The following GLB1L2 variants were observed in gnomAD, a reference collection of about 807,000 sequenced individuals.
GLB1L2 encodes the protein galactosidase beta 1 like 2.
A neutral mutation model predicts 84.1 loss-of-function variants in GLB1L2; 68 were observed. The observed-to-expected ratio is 0.81, with a 90% CI of 0.67 to 0.99. GLB1L2 has a LOEUF of 0.99. Ranked by LOEUF, GLB1L2 falls within the 50% of genes least tolerant of loss-of-function variation. The probability of loss-of-function intolerance (pLI) is 0.00; values close to 1 mark genes in which losing one functional copy is unlikely to be tolerated. For missense variants in GLB1L2, 762 were observed against 805.6 expected (o/e 0.95, Z 0.66); for synonymous variants, 290 against 318.0 (o/e 0.91, Z 0.94).
chr11:134,353,475 G>A (rs73604969), intron 5 of GLB1L2, among the ~76,000 whole-genome samples: 3,645 of 152,198 alleles, frequency 0.024, 148 homozygotes, highest in African/African-American at 0.082. Flanking sequence ...ATCCTGGAGA[G>A]TGTTTTATGT....
chr11:134,361,849 C>T (rs1943795133), intron 7 of GLB1L2, among the ~76,000 whole-genome samples: 1 of 152,164 alleles, frequency 6.6e-6, no homozygotes, highest in Admixed American at 6.5e-5. Flanking sequence ...CTTCCCGGCA[C>T]CTGCTGTTGC....
chr11:134,361,730 T>C (rs1038517319), intron 7 of GLB1L2, among the ~76,000 whole-genome samples: 1 of 152,028 alleles, frequency 6.6e-6, no homozygotes, highest in African/African-American at 2.4e-5. Context: ...GAGGCCTCGC[T>C]CTCATTGTTC....
intron 18 of GLB1L2, 32 bp downstream of exon 18, chr11:134,374,750 T>G: frequency 1.3e-6 from 2 of 1,548,028 alleles, no homozygotes; most frequent in South Asian, 2.2e-5. Flanking sequence ...CTGTTCCCCA[T>G]GACGCCCTGC....
rs1022075712 is a variant in GLB1L2 at position 134,338,456 on chromosome 11, G to T, written c.87-4298G>T. On this transcript the variant is annotated intron_variant, in intron 1 of 18. Transcript: ENST00000535456. This position sits in a 1 kb window ranked among gnomAD's most constrained non-coding sequence, Gnocchi z 6.2. ...GCCAGTCCCATTCCCAGAAAGAGGT[G>T]GTGACCTTGCCACCTGCTCATCTGC... 6.6e-6 allele frequency among the ~76,000 whole-genome samples: 1 copy of T among 152,138 alleles called. No homozygotes were observed. Among genetic ancestry groups the T allele is most frequent in the African/African-American group, 2.4e-5 (1 of 41,418 alleles).
In GLB1L2 at chr11:134,338,963, G is replaced by A. The variant is rs1225399140; in HGVS notation, c.87-3791G>A. Among the ~76,000 whole-genome samples the A allele has an allele frequency of 3.9e-5, 6 of 152,120 alleles. No individual in the cohort carries two copies. The highest frequency in any genetic ancestry group is 9.7e-5 in the African/African-American group (4 of 41,396). On this transcript the variant is annotated intron_variant, in intron 1 of 18. Transcript: ENST00000535456. This position sits in a 1 kb window ranked among gnomAD's most constrained non-coding sequence, Gnocchi z 6.2. ...GCACTGAGTTCAGGGTTTGCTGTCC[G>A]GACTCTTCTAAGGTGGAAAAATCGC... is the stretch of plus-strand genomic sequence containing the variant.
intron 7 of GLB1L2, among the ~76,000 whole-genome samples, chr11:134,362,936 G>A (rs1223123795): frequency 6.6e-6 from 1 of 152,230 alleles, no homozygotes; most frequent in East Asian, 1.9e-4. Flanking sequence ...GTCCTTCTCA[G>A]TGTTCCAGGA....
At chr11:134,332,174 G>C in intron 1 of GLB1L2, 27 bp downstream of exon 1, 2 of 1,467,342 alleles carry the variant, frequency 1.4e-6, no homozygotes, top group Non-Finnish European at 1.8e-6. Flanking sequence ...CGCAGCACCT[G>C]CCGGACCCCA....
chr11:134,363,846 A>T (rs560964613), intron 7 of GLB1L2, among the ~76,000 whole-genome samples: 17 of 152,200 alleles, frequency 1.1e-4, no homozygotes, highest in Admixed American at 2.6e-4. Flanking sequence ...CAAGACAACA[A>T]GATAAGTCTC....
At chr11:134,343,496 A>C (rs545105866) in intron 2 of GLB1L2, among the ~76,000 whole-genome samples, 18 of 152,332 alleles carry the variant, frequency 1.2e-4, no homozygotes, top group African/African-American at 4.1e-4. Context: ...TTTTCCCCCC[A>C]AATTGCCAAC....
rs1180467057 is a variant in GLB1L2, at chr11:134,344,466, T to C, written c.353+11T>C. On this transcript the variant is annotated intron_variant, in intron 3 of 18. Transcript: ENST00000535456. ...GAACCTGGACCTGGAGTATGTGGTG[T>C]TGCTGCTTCTGTGAACTGGCCAGGG... 1 of 1,612,202 alleles carries C rather than the reference T, an allele frequency of 6.2e-7. No homozygotes were observed.
rs146411690 is a variant in GLB1L2, at chr11:134,344,396, G to C, written c.294G>C (p.Pro98=). 2 of 1,613,736 alleles carry C rather than the reference G, an allele frequency of 1.2e-6. No individual in the cohort carries two copies. ...CGLNTLTTYV[P]WNLHEPERGK... is the part of the protein sequence containing the mutation. ...ATCATTTCTGTTGCAGCTATGTTCC[G>C]TGGAACCTGCATGAGCCAGAAAGAG... The change falls in exon 3 of 19, where the codon CCG becomes CCC. Residue 98 remains proline, a synonymous_variant. Coordinates refer to ENST00000535456, the MANE Select transcript of GLB1L2 (RefSeq NM_001370461.1).
intron 2 of GLB1L2, 43 bp downstream of exon 2, chr11:134,342,994 G>A (rs748566201): frequency 6.4e-7 from 1 of 1,570,038 alleles, no homozygotes; most frequent in South Asian, 1.2e-5. Context: ...TTCCTAAGCA[G>A]GGCGCCTGGT....
intron 1 of GLB1L2, among the ~76,000 whole-genome samples, chr11:134,335,419 T>C (rs1217898730): frequency 6.6e-6 from 1 of 152,168 alleles, no homozygotes; most frequent in African/African-American, 2.4e-5. Flanking sequence ...GTTCCTTTCA[T>C]CTTGTAGTAG....
At chr11:134,366,996 T>G in intron 8 of GLB1L2, 1 of 513,746 alleles carries the variant, frequency 1.9e-6, no homozygotes, top group Non-Finnish European at 3.5e-6. Flanking sequence ...TATGCAACAT[T>G]AAAACCATCA....
At chr11:134,356,932 T>A (rs1342358011) in intron 6 of GLB1L2, among the ~76,000 whole-genome samples, 1 of 152,218 alleles carries the variant, frequency 6.6e-6, no homozygotes, top group Non-Finnish European at 1.5e-5. Context: ...TGTCCCTTAG[T>A]AGCTGAGACC....
Position 134,334,679 on chromosome 11 carries a change from A to G in GLB1L2, c.86+2532A>G, listed in dbSNP as rs939861920. ...TACTCCTCCCTGCTCCCCAGCCCCA[A>G]GCAACCACTGATCTGTTGCTTTCCG... On this transcript the variant is annotated intron_variant, in intron 1 of 18. Transcript: ENST00000535456. The surrounding 1 kb of genome is among the most constrained non-coding windows in gnomAD (Gnocchi z 4.1). 6.6e-6 allele frequency among the ~76,000 whole-genome samples: 1 copy of G among 152,008 alleles called. No homozygotes were observed. Among genetic ancestry groups the G allele is most frequent in the Non-Finnish European group, 1.5e-5 (1 of 67,982 alleles).
intron 15 of GLB1L2, among the ~76,000 whole-genome samples, chr11:134,373,463 T>A (rs1414564489): frequency 6.6e-6 from 1 of 152,172 alleles, no homozygotes; most frequent in Non-Finnish European, 1.5e-5. Flanking sequence ...CTGTAACACC[T>A]CAGCTCTATA....
chr11:134,351,605 A>T (rs1413045157), intron 5 of GLB1L2, among the ~76,000 whole-genome samples: 1 of 152,062 alleles, frequency 6.6e-6, no homozygotes, highest in African/African-American at 2.4e-5. Flanking sequence ...TCAGCCTCCC[A>T]AAGTGCTGGG....
intron 6 of GLB1L2, among the ~76,000 whole-genome samples, chr11:134,358,720 C>T (rs11223768): frequency 0.013 from 2,001 of 152,358 alleles, 21 homozygotes; most frequent in Non-Finnish European, 0.017. Flanking sequence ...CAGACAGTGG[C>T]GGGTGACACG....
Sources: allele counts gnomAD v4.1 joint callset (sites outside exome capture counted in the v4.1 genomes callset), GRCh38; gene constraint gnomAD v4.1.1; non-coding constraint Gnocchi (gnomAD v3.1); transcripts MANE v1.5; gene names NCBI Gene and HGNC (gene_info 2026-07-23, HGNC 2026-07-21).